Variants in MICAL3 observed in about 807,000 individuals in gnomAD.
The protein encoded by MICAL3 is [F-actin]-monooxygenase MICAL3.
Under a neutral mutation model 207.4 loss-of-function variants are expected in MICAL3, and 62 were observed. The ratio of observed to expected loss-of-function variants is 0.30; its 90% CI spans 0.24 to 0.37. The LOEUF is 0.37. MICAL3 is among the 10% of genes least tolerant of loss of function. The pLI is 1.00. For synonymous variants in MICAL3, 1,077 were observed against 1,069.3 expected (o/e 1.01, Z -0.14); for missense variants, 2,368 against 2,635.6 (o/e 0.90, Z 2.22).
rs1189289770 is a variant in MICAL3, at chr22:17,899,688, C to T, written c.848-140G>A. 3 of 637,924 alleles carry T rather than the reference C, an allele frequency of 4.7e-6. No individual in the cohort carries two copies. In the Admixed American group the frequency reaches 7.5e-5, roughly 16 times the overall value. 39.5% of individuals were successfully genotyped at this position (637,924 alleles called of 1,614,324 possible). ...GGAAAGGTGTCTAAGCCCAGATTCTCACGTCCTGTATCATCAGTTCATGGA... is the reference window on the plus strand; with the variant it reads ...GGAAAGGTGTCTAAGCCCAGATTCTTACGTCCTGTATCATCAGTTCATGGA... On this transcript the variant is annotated intron_variant, in intron 6 of 31. Coordinates refer to ENST00000441493, the MANE Select transcript of MICAL3 (RefSeq NM_015241.3).
intron 29 of MICAL3, among the ~76,000 whole-genome samples, chr22:17,801,631 G>T (rs1016733095): frequency 5.3e-5 from 8 of 151,292 alleles, no homozygotes; most frequent in African/African-American, 1.7e-4. Context: ...CGGTGGCTCA[G>T]GCCTGTAATC....
intron 16 of MICAL3, chr22:17,876,915 G>A (rs199596442): frequency 1.5e-5 from 2 of 134,166 alleles, no homozygotes; most frequent in African/African-American, 3.3e-5. Flanking sequence ...GGTTAGGGAG[G>A]TTATGGAGGT....
intron 1 of MICAL3, among the ~76,000 whole-genome samples, chr22:17,995,082 T>A (rs1267404396): frequency 6.6e-6 from 1 of 152,218 alleles, no homozygotes; most frequent in African/African-American, 2.4e-5. Flanking sequence ...AGGTCCTCAC[T>A]ACTTAGCAGA....
intron 1 of MICAL3, among the ~76,000 whole-genome samples, chr22:17,925,864 T>C (rs1932910258): frequency 6.6e-6 from 1 of 152,180 alleles, no homozygotes; most frequent in South Asian, 2.1e-4. Context: ...AAACAGGCAT[T>C]GTCCCTTCCT....
rs1361706219 is a variant in MICAL3 at position 17,902,510 on chromosome 22, G to C, written c.589+121C>G. ...CTGCATCCAGGCCAAGTCCCCAAAG[G>C]CACAGGCTTTGGCTAGCTCTGGAAG... On this transcript the variant is annotated intron_variant, in intron 4 of 31. Transcript: ENST00000441493. The surrounding 1 kb of genome is among the most constrained non-coding windows in gnomAD (Gnocchi z 4.5). 1.0e-5 allele frequency: 6 copies of C among 598,496 alleles called. No individual in the cohort carries two copies. Among genetic ancestry groups the C allele is most frequent in the African/African-American group, 1.9e-5 (1 of 53,844 alleles). The allele number at this position is 598,496 out of a possible 1,614,324, so 37.1% of individuals were successfully genotyped here.
At chr22:17,827,451 C>G (rs982473421) in intron 22 of MICAL3, among the ~76,000 whole-genome samples, 193 bp downstream of exon 22, 1 of 152,190 alleles carries the variant, frequency 6.6e-6, no homozygotes, top group Non-Finnish European at 1.5e-5. Flanking sequence ...CCTCTTAATC[C>G]ACAGAGAACT....
chr22:17,839,222 T>C (rs944716165), intron 20 of MICAL3, among the ~76,000 whole-genome samples: 28 of 151,730 alleles, frequency 1.8e-4, no homozygotes, highest in African/African-American at 6.8e-4. Flanking sequence ...GTACTGGGAT[T>C]ACAGGCATGA....
rs1016979304 is a variant in MICAL3, at chr22:17,847,616, C to T, written c.2606-5599G>A. 2.0e-5 allele frequency among the ~76,000 whole-genome samples: 3 copies of T among 152,072 alleles called. No homozygotes were observed. The East Asian group carries it at 5.8e-4, about 29-fold the overall frequency. ...ATGACCTCAGGGAGATAAAAGGGGC[C>T]GACCGTGACCACCTTCCGGCGTCAC... On this transcript the variant is annotated intron_variant, in intron 19 of 31. Coordinates refer to ENST00000441493, the MANE Select transcript of MICAL3 (RefSeq NM_015241.3).
intron 1 of MICAL3, among the ~76,000 whole-genome samples, chr22:17,972,435 T>C (rs1935459002): frequency 6.6e-6 from 1 of 151,766 alleles, no homozygotes; most frequent in Non-Finnish European, 1.5e-5. Flanking sequence ...CCTGGGAGGG[T>C]GGACCAGGCA....
chr22:17,896,347 C>A lies in MICAL3; in HGVS notation c.1221G>T (p.Met407Ile). 1 of 1,553,140 alleles carries A rather than the reference C, an allele frequency of 6.4e-7. No homozygotes were observed. The change falls in exon 9 of 32, where the codon ATG becomes ATT. Residue 407 changes from methionine (M) to isoleucine (I), a missense_variant. Around this residue, in one of 4 missense-constraint regions of MICAL3, gnomAD observed 400 missense variants for 547.0 expected, o/e 0.73. Transcript: ENST00000441493. ...GAAAGCCCCGGGCTATTCCTGTTCC[C>A]ATTGGCCAGAAAGGCTGTAGATAAG... ...GDSLLEPFWP[M>I]GTGIARGFLA... is the part of the protein sequence containing the mutation.
intron 16 of MICAL3, among the ~76,000 whole-genome samples, chr22:17,872,252 G>A (rs759778559): frequency 2.0e-5 from 3 of 152,242 alleles, no homozygotes; most frequent in Non-Finnish European, 4.4e-5. Context: ...GCACAACCGC[G>A]AAAGCCTGGG....
At chr22:17,957,732 G>C (rs1042610000) in intron 1 of MICAL3, among the ~76,000 whole-genome samples, 1 of 143,382 alleles carries the variant, frequency 7.0e-6, no homozygotes, top group African/African-American at 2.6e-5. Context: ...AAAAAAGAGA[G>C]AGAAAGAAAA....
intron 13 of MICAL3, 136 bp downstream of exon 13, chr22:17,888,898 C>T (rs1930157756): frequency 3.4e-6 from 2 of 584,794 alleles, no homozygotes; most frequent in Non-Finnish European, 6.0e-6. Context: ...AGAGATTTCC[C>T]TGACAGCTAA....
rs1053330781 is a variant in MICAL3 at position 17,789,525 on chromosome 22, A to G, written c.*1207T>C. On this transcript the variant is annotated 3_prime_UTR_variant, in exon 32 of 32. Transcript: ENST00000441493. ...CAGAACGGAAATGCACCCTCATCAC[A>G]TGAGTGGTCCAGATGGTCTAGCGCC... 10 of 152,216 alleles carry G rather than the reference A, an allele frequency of 6.6e-5. No individual in the cohort carries two copies. The highest frequency in any genetic ancestry group is 7.2e-5 in the African/African-American group (3 of 41,386). The allele number at this position is 152,216 out of a possible 1,614,324, so 9.4% of individuals were successfully genotyped here.
chr22:17,872,138 G>C (rs976828390), intron 16 of MICAL3, 115 bp from the exon 17 acceptor site: 2 of 847,320 alleles, frequency 2.4e-6, no homozygotes, highest in African/African-American at 1.7e-5. Flanking sequence ...GGTCTGCTTT[G>C]AGACAGACTT....
At chr22:17,888,664 G>A (rs953295017) in intron 13 of MICAL3, among the ~76,000 whole-genome samples, 4 of 152,130 alleles carry the variant, frequency 2.6e-5, no homozygotes, top group Non-Finnish European at 4.4e-5. Flanking sequence ...AAGAGAAGCC[G>A]GATTATAACC....
intron 1 of MICAL3, among the ~76,000 whole-genome samples, chr22:17,985,848 G>A (rs1055481257): frequency 6.6e-6 from 1 of 152,146 alleles, no homozygotes; most frequent in Non-Finnish European, 1.5e-5. Context: ...AGGCCCTGCA[G>A]AACTCATGAC....
rs928769433 is a variant in MICAL3 at position 17,843,176 on chromosome 22, G to A, written c.2606-1159C>T. 2.7e-5 allele frequency among the ~76,000 whole-genome samples: 4 copies of A among 149,772 alleles called. 1 individual carries two copies. The highest frequency in any genetic ancestry group is 7.4e-3 in the Middle Eastern group (2 of 272). ...ACTCCTCCTCCACTACCATTCTTTG[G>A]TAAAGAAGCACTTTTCCCATTTTTA... On this transcript the variant is annotated intron_variant, in intron 19 of 31. Coordinates refer to ENST00000441493, the MANE Select transcript of MICAL3 (RefSeq NM_015241.3).
chr22:17,865,102 T>TTTA (rs1556033094), intron 18 of MICAL3, 116 bp from the exon 19 acceptor site: 2 of 661,756 alleles, frequency 3.0e-6, no homozygotes, highest in African/African-American at 4.0e-5. Flanking sequence ...TATTTATTTA[T>TTTA]TTATTTATTT....
Sources: allele counts gnomAD v4.1 joint callset (sites outside exome capture counted in the v4.1 genomes callset), GRCh38; gene constraint gnomAD v4.1.1; regional missense constraint gnomAD v4.1.1; non-coding constraint Gnocchi (gnomAD v3.1); transcripts MANE v1.5; gene names NCBI Gene and HGNC (gene_info 2026-07-23, HGNC 2026-07-21).